Variants in ESR1 observed in about 807,000 individuals in gnomAD.
The protein encoded by ESR1 is estrogen receptor.
In ESR1, 12 loss-of-function variants were observed where a neutral mutation model predicts 52.7. The ratio of observed to expected loss-of-function variants is 0.23; its 90% confidence interval spans 0.15 to 0.37. ESR1 has a LOEUF of 0.37. ESR1 is among the 10% of genes least tolerant of loss of function. ESR1 has a pLI of 1.00. For missense variants in ESR1, 584 were observed against 779.7 expected, an observed-to-expected ratio of 0.75 and a Z score of 2.99; for synonymous variants, 305 against 316.8, an observed-to-expected ratio of 0.96 and a Z score of 0.39.
intron 4 of ESR1, among the ~76,000 whole-genome samples, chr6:151,957,261 C>T (rs147249299): frequency 2.0e-4 from 31 of 152,108 alleles, no homozygotes; most frequent in African/African-American, 2.7e-4. Context: ...CAAAAATATT[C>T]GCTATTATCA....
chr6:151,881,665 C>G (rs1792933565), intron 3 of ESR1, among the ~76,000 whole-genome samples: 1 of 152,048 alleles, frequency 6.6e-6, no homozygotes, highest in African/African-American at 2.4e-5. Context: ...GGCAGATCAT[C>G]TGAGGTCAGG....
intron 1 of ESR1, among the ~76,000 whole-genome samples, chr6:151,678,226 A>T (rs1369245127): frequency 6.6e-6 from 1 of 152,144 alleles, no homozygotes; most frequent in African/African-American, 2.4e-5. Context: ...TAATCCCAGC[A>T]CTTTGGGAAG....
intron 4 of ESR1, among the ~76,000 whole-genome samples, chr6:152,002,088 G>A (rs979600467): frequency 1.3e-5 from 2 of 151,764 alleles, no homozygotes; most frequent in Non-Finnish European, 2.9e-5. Context: ...GTAGAAAATG[G>A]GAATATAAGC....
chr6:151,975,625 T>A (rs2039369947), intron 4 of ESR1, among the ~76,000 whole-genome samples: 3 of 152,214 alleles, frequency 2.0e-5, no homozygotes. Flanking sequence ...ACCTCAGTCT[T>A]TGCTCTTAAA....
intron 2 of ESR1, among the ~76,000 whole-genome samples, chr6:151,791,413 C>T (rs1175949019): frequency 2.6e-5 from 4 of 152,142 alleles, no homozygotes; most frequent in Non-Finnish European, 5.9e-5. Flanking sequence ...TTTGCTCTTC[C>T]TTTGTCTTCT....
chr6:152,013,536 G>T (rs1487097308), intron 5 of ESR1, among the ~76,000 whole-genome samples: 1 of 152,144 alleles, frequency 6.6e-6, no homozygotes, highest in South Asian at 2.1e-4. Flanking sequence ...ATAATGTGTG[G>T]TGATCTTATC....
downstream of ESR1, among the ~76,000 whole-genome samples, chr6:152,103,881 CTGA>C (rs2152511855): frequency 6.6e-6 from 1 of 151,650 alleles, no homozygotes; most frequent in East Asian, 1.9e-4. Flanking sequence ...TCAGATTTAA[CTGA>C]TGAATTGGGA....
At chr6:151,872,140 G>T (rs1791082425) in intron 2 of ESR1, among the ~76,000 whole-genome samples, 1 of 152,156 alleles carries the variant, frequency 6.6e-6, no homozygotes. Context: ...CCACTTGTTG[G>T]AAGTGGAACA....
chr6:151,784,793 C>A (rs1470131131), intron 2 of ESR1, among the ~76,000 whole-genome samples: 1 of 152,296 alleles, frequency 6.6e-6, no homozygotes, highest in South Asian at 2.1e-4. Flanking sequence ...TGAGTGCTCC[C>A]CCCACCCCAA....
chr6:152,122,950 A>G (rs1484180952), intron 6 of ESR1, among the ~76,000 whole-genome samples: 3 of 152,242 alleles, frequency 2.0e-5, no homozygotes, highest in Admixed American at 2.0e-4. Flanking sequence ...AATGTGGTGA[A>G]ACATTTTCTA....
At chr6:151,806,741 C>T (rs1777946440), upstream of ESR1, among the ~76,000 whole-genome samples, 1 of 151,804 alleles carries the variant, frequency 6.6e-6, no homozygotes, top group African/African-American at 2.4e-5. Flanking sequence ...AATCTGTTAG[C>T]TGGACCAGAC....
chr6:151,871,936 T>C (rs1791043109), intron 2 of ESR1, among the ~76,000 whole-genome samples: 1 of 152,372 alleles, frequency 6.6e-6, no homozygotes, highest in Middle Eastern at 3.4e-3. Flanking sequence ...GGCTGAATAA[T>C]ACTCCACTGT....
At chr6:151,835,676 G>A (rs551078594) in intron 1 of ESR1, among the ~76,000 whole-genome samples, 34 of 152,314 alleles carry the variant, frequency 2.2e-4, no homozygotes, top group Non-Finnish European at 3.5e-4. Context: ...ATATGTGGGC[G>A]AGTGTAGTGT....
intron 2 of ESR1, among the ~76,000 whole-genome samples, chr6:151,731,967 C>T (rs922569260): frequency 2.2e-4 from 34 of 152,166 alleles, no homozygotes; most frequent in African/African-American, 7.0e-4. Flanking sequence ...CAGAGCAGGA[C>T]GTGGAATTGG....
At chr6:151,784,175 A>G (rs920730803) in intron 2 of ESR1, among the ~76,000 whole-genome samples, 3 of 152,146 alleles carry the variant, frequency 2.0e-5, no homozygotes, top group East Asian at 1.9e-4. Context: ...ACAGCTCACA[A>G]TGAAGGAGTG....
chr6:152,110,075 G>A (rs778494993), intron 6 of ESR1, among the ~76,000 whole-genome samples: 21 of 152,170 alleles, frequency 1.4e-4, no homozygotes, highest in Non-Finnish European at 2.4e-4. Context: ...ATATTTTACA[G>A]ATGAAGAAAC....
At chr6:151,968,096 G>C (rs1483700563) in intron 4 of ESR1, among the ~76,000 whole-genome samples, 1 of 152,022 alleles carries the variant, frequency 6.6e-6, no homozygotes, top group Non-Finnish European at 1.5e-5. Flanking sequence ...GAACAGAACA[G>C]AGGCCTCAGA....
intron 2 of ESR1, among the ~76,000 whole-genome samples, chr6:151,857,987 A>C (rs1788175614): frequency 6.6e-6 from 1 of 152,224 alleles, no homozygotes; most frequent in Non-Finnish European, 1.5e-5. Context: ...CTTCATTAAA[A>C]AATCCATGCT....
rs534855694 is a variant in ESR1, at chr6:152,035,299, T to C, written c.1235+23505T>C. Among the ~76,000 whole-genome samples the C allele has an allele frequency of 1.4e-4, 21 of 150,860 alleles. 1 individual carries two copies. In the South Asian group the frequency reaches 2.7e-3, roughly 19 times the overall value. ...ACATAATTATACATATATAATTTTA[T>C]ATAATTTAATTTATAATTATATACA... On this transcript the variant is annotated intron_variant, in intron 5 of 7. Coordinates refer to ENST00000206249, the MANE Select transcript of ESR1 (RefSeq NM_000125.4).
Sources: allele counts gnomAD v4.1 joint callset (sites outside exome capture counted in the v4.1 genomes callset), GRCh38; gene constraint gnomAD v4.1.1; transcripts MANE v1.5; gene names NCBI Gene and HGNC (gene_info 2026-07-23, HGNC 2026-07-21).